GPR37L1: variants seen among roughly 807,000 people sequenced by gnomAD.
GPR37L1 encodes G protein-coupled receptor 37-like 1.
GPR37L1 carries 18 observed loss-of-function variants against 18.0 expected under a neutral mutation model. The ratio of observed to expected loss-of-function variants is 1.00; its 90% CI spans 0.69 to 1.49. GPR37L1 has a LOEUF of 1.49. Among genes scored for constraint, GPR37L1 ranks in the 40% most tolerant of loss-of-function variants. The pLI is 0.00. For missense variants in GPR37L1, 558 were observed against 615.1 expected (o/e 0.91, Z 0.98); for synonymous variants, 256 against 273.9 (o/e 0.93, Z 0.65).
In GPR37L1 at chr1:202,123,079, A is replaced by G. The variant is rs1654547942; in HGVS notation, c.116A>G (p.Glu39Gly). Reference sequence around the variant, plus strand: ...GGCAGGCACAGAGCCGAGACCCAGGAGCAGCAGAGCCGATCCAAGAGGGGC... The same window carrying G: ...GGCAGGCACAGAGCCGAGACCCAGGGGCAGCAGAGCCGATCCAAGAGGGGC... ...HLGRHRAETQ[E>G]QQSRSKRGTE... The change falls in exon 1 of 2, where the codon GAG (glutamate) becomes GGG (glycine). Residue 39 changes from glutamate (E) to glycine (G), a missense_variant. Physicochemically the swap from Glu to Gly is moderately conservative, Grantham distance 98. Coordinates refer to ENST00000367282, the MANE Select transcript of GPR37L1 (RefSeq NM_004767.5). 1 of 1,613,756 alleles carries G rather than the reference A, an allele frequency of 6.2e-7. No individual in the cohort carries two copies. Among genetic ancestry groups the G allele is most frequent in the South Asian group, 1.1e-5 (1 of 91,046 alleles).
rs1256152241 is a variant in GPR37L1, at chr1:202,122,949, C to G, written c.-15C>G. 1.9e-6 allele frequency: 3 copies of G among 1,611,586 alleles called. No homozygotes were observed. The Admixed American group carries it at 5.0e-5, about 27-fold the overall frequency. On this transcript the variant is annotated 5_prime_UTR_variant, in exon 1 of 2. Coordinates refer to ENST00000367282, the MANE Select transcript of GPR37L1 (RefSeq NM_004767.5). ...CCTGCTCTTCCTGGGCTGGCTGTCT[C>G]CTGCTCATCCAGCCATGCGGTGGCT...
In GPR37L1 at chr1:202,133,213, A is replaced by T. The variant is rs576209437; in HGVS notation, c.*4657A>T. ...AAAGTCTGAAAAGAGAATGAGAAGG[A>T]GGTGGCGCAAGAGCCTGGACGCACG... is the stretch of plus-strand genomic sequence containing the variant. On this transcript the variant is annotated 3_prime_UTR_variant, in exon 2 of 2. Transcript: ENST00000367282. 2.0e-5 allele frequency: 3 copies of T among 152,356 alleles called. No homozygotes were observed. The East Asian group carries it at 5.8e-4, about 29-fold the overall frequency. 9.4% of individuals were successfully genotyped at this position (152,356 alleles called of 1,614,324 possible).
Position 202,123,074 on chromosome 1 carries a change from C to T in GPR37L1, c.111C>T (p.Thr37=), listed in dbSNP as rs1438260222. The stretch of plus-strand genomic sequence containing the variant: ...ACCTGGGCAGGCACAGAGCCGAGAC[C>T]CAGGAGCAGCAGAGCCGATCCAAGA... ...PLHLGRHRAE[T]QEQQSRSKRG... Residue 37 remains threonine, a synonymous_variant, in exon 1 of 2, where the codon ACC becomes ACT. Coordinates refer to ENST00000367282, the MANE Select transcript of GPR37L1 (RefSeq NM_004767.5). The T allele has an allele frequency of 1.2e-6, 2 of 1,613,740 alleles. No individual in the cohort carries two copies. Among genetic ancestry groups the T allele is most frequent in the Non-Finnish European group, 1.7e-6 (2 of 1,179,942 alleles).
At chr1:202,124,677 C>T (rs963180082) in intron 1 of GPR37L1, among the ~76,000 whole-genome samples, 6 of 152,182 alleles carry the variant, frequency 3.9e-5, no homozygotes, top group Non-Finnish European at 5.9e-5. Flanking sequence ...GGGGACTTGC[C>T]TGGCCGGAGA....
chr1:202,128,580 A>C lies in GPR37L1; in HGVS notation c.*24A>C. 18 of 615,594 alleles carry C rather than the reference A, an allele frequency of 2.9e-5. No individual in the cohort carries two copies. The highest frequency in any genetic ancestry group is 5.0e-5 in the Non-Finnish European group (18 of 357,074). The allele number at this position is 615,594 out of a possible 1,614,324, so 38.1% of individuals were successfully genotyped here. A position where few individuals can be genotyped will look rare whatever the true frequency, so the allele number is the denominator to read the frequency against. On this transcript the variant is annotated 3_prime_UTR_variant, in exon 2 of 2. Transcript: ENST00000367282. ...GAGGCCCCAGTAGGGGTGGGGAGGG[A>C]GGGAGAGGCCGCCACCCCCGCCGGT...
Position 202,128,469 on chromosome 1 carries a change from C to A in GPR37L1, c.1359C>A (p.Asn453Lys). 1 of 1,610,382 alleles carries A rather than the reference C, an allele frequency of 6.2e-7. No homozygotes were observed. Among genetic ancestry groups the A allele is most frequent in the Non-Finnish European group, 8.5e-7 (1 of 1,178,342 alleles). Residue 453 changes from asparagine to lysine, a missense_variant, in exon 2 of 2, where the codon AAC (asparagine) becomes AAA (lysine). By Grantham distance (94) the Asn-to-Lys change is moderately conservative. Transcript: ENST00000367282. Reference protein sequence around the residue: ...SEASAANGSDNKLKTEVSSSI... With the variant: ...SEASAANGSDKKLKTEVSSSI... ...CCTCTGCTGCCAATGGGTCGGACAA[C>A]AAGCTCAAGACCGAGGTGTCCTCTT...
chr1:202,127,807 A>G lies in GPR37L1; in HGVS notation c.697A>G (p.Thr233Ala). The G allele has an allele frequency of 6.2e-7, 1 of 1,612,542 alleles. No homozygotes were observed. Among genetic ancestry groups the G allele is most frequent in the Non-Finnish European group, 8.5e-7 (1 of 1,179,068 alleles). ...GGGCATTGACCGCTTCCACGTGGCCACCAGCACCCTGCCCAAGGTGAGGCC... is the reference window on the plus strand; with the variant it reads ...GGGCATTGACCGCTTCCACGTGGCCGCCAGCACCCTGCCCAAGGTGAGGCC... ...ALGIDRFHVA[T>A]STLPKVRPIE... The change falls in exon 2 of 2, where the codon ACC becomes GCC. Residue 233 changes from threonine (T) to alanine (A), a missense_variant. Thr to Ala is a moderately conservative substitution (Grantham distance 58, BLOSUM62 0). Coordinates refer to ENST00000367282, the MANE Select transcript of GPR37L1 (RefSeq NM_004767.5).
In GPR37L1 at chr1:202,132,415, G is replaced by C. The variant is rs1468652269; in HGVS notation, c.*3859G>C. ...TCTTTCCTCCAACTCTCTGGCAGTGGGGAACTGCCTCTCCAGGCAGGGAAC... is the reference window on the plus strand; with the variant it reads ...TCTTTCCTCCAACTCTCTGGCAGTGCGGAACTGCCTCTCCAGGCAGGGAAC... On this transcript the variant is annotated 3_prime_UTR_variant, in exon 2 of 2. Coordinates refer to ENST00000367282, the MANE Select transcript of GPR37L1 (RefSeq NM_004767.5). 2 of 152,274 alleles carry C rather than the reference G, an allele frequency of 1.3e-5. No individual in the cohort carries two copies. The highest frequency in any genetic ancestry group is 2.9e-5 in the Non-Finnish European group (2 of 68,080). 9.4% of individuals were successfully genotyped at this position (152,274 alleles called of 1,614,324 possible). A position where few individuals can be genotyped will look rare whatever the true frequency, so the allele number is the denominator to read the frequency against.
In GPR37L1 at chr1:202,130,468, G is replaced by A. The variant is rs1019780209; in HGVS notation, c.*1912G>A. Reference sequence around the variant, plus strand: ...CTCCCCCTCTCCTGGGGATCTTAACGGCCTTGTTCTCTCTCCCTGGCACCC... The same window carrying A: ...CTCCCCCTCTCCTGGGGATCTTAACAGCCTTGTTCTCTCTCCCTGGCACCC... On this transcript the variant is annotated 3_prime_UTR_variant, in exon 2 of 2. Transcript: ENST00000367282. The A allele has an allele frequency of 1.3e-5, 2 of 152,346 alleles. No individual in the cohort carries two copies. The highest frequency in any genetic ancestry group is 2.4e-5 in the African/African-American group (1 of 41,448). The allele number at this position is 152,346 out of a possible 1,614,324, so 9.4% of individuals were successfully genotyped here.
chr1:202,127,097 T>C (rs1654684233), intron 1 of GPR37L1, among the ~76,000 whole-genome samples: 1 of 152,284 alleles, frequency 6.6e-6, no homozygotes, highest in African/African-American at 2.4e-5. Context: ...CAGACATGTG[T>C]GTAAACCTCA....
Position 202,128,717 on chromosome 1 carries a change from G to A in GPR37L1, c.*161G>A. 1 of 599,802 alleles carries A rather than the reference G, an allele frequency of 1.7e-6. No homozygotes were observed. The highest frequency in any genetic ancestry group is 3.0e-6 in the Non-Finnish European group (1 of 336,406). 37.2% of individuals were successfully genotyped at this position (599,802 alleles called of 1,614,324 possible). On this transcript the variant is annotated 3_prime_UTR_variant, in exon 2 of 2. Transcript: ENST00000367282. ...AATGTCAAAGCCCCCTCCCCACACA[G>A]GGCCTTTCCTGTCCCTTGTGGGGCC...
At position 202,123,325 on chromosome 1, in the gene GPR37L1, A is replaced by T. The variant is rs1654559995; in HGVS notation, c.362A>T (p.Tyr121Phe). Residue 121 changes from tyrosine (Y) to phenylalanine (F), a missense_variant, in exon 1 of 2, where the codon TAT becomes TTT. Tyr to Phe is a conservative substitution (Grantham distance 22, BLOSUM62 3). Coordinates refer to ENST00000367282, the MANE Select transcript of GPR37L1 (RefSeq NM_004767.5). ...GQRLQIQNPL[Y>F]PVTESSYSAY... ...AGGCTACAGATCCAGAACCCCCTGTATCCGGTGACCGAGAGCTCCTACAGT... is the reference window on the plus strand; with the variant it reads ...AGGCTACAGATCCAGAACCCCCTGTTTCCGGTGACCGAGAGCTCCTACAGT... The T allele has an allele frequency of 2.5e-6, 4 of 1,614,066 alleles. No individual in the cohort carries two copies. The African/African-American group carries it at 5.3e-5, about 22-fold the overall frequency.
At chr1:202,124,986 T>C (rs1654619289) in intron 1 of GPR37L1, among the ~76,000 whole-genome samples, 3 of 151,988 alleles carry the variant, frequency 2.0e-5, no homozygotes, top group Non-Finnish European at 4.4e-5. Context: ...GCCAACATGG[T>C]GAAGCCCCAT....
In GPR37L1 at chr1:202,127,971, C is replaced by T. The variant is rs1654718768; in HGVS notation, c.861C>T (p.Ile287=). Reference sequence around the variant, plus strand: ...CCATGGGCACCCTGGACTCATGCATCATGAAACCCTCAGCCAGCCTGCCCG... The same window carrying T: ...CCATGGGCACCCTGGACTCATGCATTATGAAACCCTCAGCCAGCCTGCCCG... ...APTMGTLDSC[I]MKPSASLPES... Residue 287 remains isoleucine (I), a synonymous_variant, in exon 2 of 2, where the codon ATC becomes ATT. Transcript: ENST00000367282. 3.1e-6 allele frequency: 5 copies of T among 1,614,096 alleles called. No individual in the cohort carries two copies. The highest frequency in any genetic ancestry group is 4.2e-6 in the Non-Finnish European group (5 of 1,180,006).
intron 1 of GPR37L1, among the ~76,000 whole-genome samples, chr1:202,125,308 T>C (rs1304838338): frequency 6.6e-6 from 1 of 152,120 alleles, no homozygotes; most frequent in East Asian, 1.9e-4. Context: ...GCTTTTCCCA[T>C]CACTAGCTGT....
chr1:202,128,479 A>T lies in GPR37L1; in HGVS notation c.1369A>T (p.Thr457Ser). Residue 457 changes from threonine (T) to serine (S), a missense_variant, in exon 2 of 2, where the codon ACC (threonine) becomes TCC (serine). Physicochemically the swap from Thr to Ser is moderately conservative, Grantham distance 58 (BLOSUM62 1). Coordinates refer to ENST00000367282, the MANE Select transcript of GPR37L1 (RefSeq NM_004767.5). ...AANGSDNKLK[T>S]EVSSSIYFHK... is the part of the protein sequence containing the mutation. ...CAATGGGTCGGACAACAAGCTCAAG[A>T]CCGAGGTGTCCTCTTCCATCTACTT... 1 of 1,607,100 alleles carries T rather than the reference A, an allele frequency of 6.2e-7. No individual in the cohort carries two copies. Among genetic ancestry groups the T allele is most frequent in the Non-Finnish European group, 8.5e-7 (1 of 1,176,736 alleles).
rs986888532 is a variant in GPR37L1, at chr1:202,130,976, T to G, written c.*2420T>G. On this transcript the variant is annotated 3_prime_UTR_variant, in exon 2 of 2. Transcript: ENST00000367282. ...GCTCCAAGGCTCTGCCACCGCCACC[T>G]CCCAAGCCTGCCAACGTGAATGGCT... 6.6e-6 allele frequency: 1 copy of G among 152,216 alleles called. No individual in the cohort carries two copies. The highest frequency in any genetic ancestry group is 2.4e-5 in the African/African-American group (1 of 41,462). The allele number at this position is 152,216 out of a possible 1,614,324, so 9.4% of individuals were successfully genotyped here. A position where few individuals can be genotyped will look rare whatever the true frequency, so the allele number is the denominator to read the frequency against.
rs904152052 is a variant in GPR37L1 at position 202,127,874 on chromosome 1, T to C, written c.764T>C (p.Ile255Thr). The C allele has an allele frequency of 4.3e-6, 7 of 1,613,788 alleles. No homozygotes were observed. The highest frequency in any genetic ancestry group is 2.7e-5 in the African/African-American group (2 of 74,912). Residue 255 changes from isoleucine (I) to threonine (T), a missense_variant, in exon 2 of 2, where the codon ATC (isoleucine) becomes ACC (threonine). Ile to Thr is a moderately conservative substitution (Grantham distance 89, BLOSUM62 -1). Transcript: ENST00000367282. ...TCCATCCTGGCCAAGTTGGCTGTCA[T>C]CTGGGTGGGCTCCATGACGCTGGCT... ...CQSILAKLAV[I>T]WVGSMTLAVP...
rs1654825615 is a variant in GPR37L1, at chr1:202,130,680, A to T, written c.*2124A>T. 1 of 152,250 alleles carries T rather than the reference A, an allele frequency of 6.6e-6. No individual in the cohort carries two copies. The highest frequency in any genetic ancestry group is 1.5e-5 in the Non-Finnish European group (1 of 68,114). The allele number at this position is 152,250 out of a possible 1,614,324, so 9.4% of individuals were successfully genotyped here. ...AGATGGGTGGGGGAGCAGGTTGGAG[A>T]GGGGACCAAAGGCAGGCCTGTCGTG... On this transcript the variant is annotated 3_prime_UTR_variant, in exon 2 of 2. Coordinates refer to ENST00000367282, the MANE Select transcript of GPR37L1 (RefSeq NM_004767.5).
Sources: gnomAD v4.1 joint callset for allele counts (sites outside exome capture counted in the v4.1 genomes callset) on GRCh38, gnomAD v4.1.1 for gene constraint, MANE v1.5 for transcripts, NCBI Gene and HGNC (gene_info 2026-07-23, HGNC 2026-07-21) for gene names.